RBFOX1: variants seen among roughly 807,000 people sequenced by gnomAD.
The protein encoded by RBFOX1 is RNA binding protein fox-1 homolog 1.
RBFOX1 carries 8 observed loss-of-function variants against 57.7 expected under a neutral mutation model. The ratio of observed to expected loss-of-function variants is 0.14; its 90% CI spans 0.08 to 0.25. The LOEUF (loss-of-function observed/expected upper bound fraction) is 0.25, where lower values mean the gene tolerates loss of function less well. Ranked by LOEUF, RBFOX1 falls within the 10% of genes least tolerant of loss-of-function variation. RBFOX1 has a pLI of 1.00. For synonymous variants in RBFOX1, 326 were observed against 222.4 expected, an observed-to-expected ratio of 1.47 and a Z score of -4.15; for missense variants, 611 against 548.5, an observed-to-expected ratio of 1.11 and a Z score of -1.14.
chr16:7,298,725 G>C (rs962576191), intron 4 of RBFOX1, among the ~76,000 whole-genome samples: 3 of 152,136 alleles, frequency 2.0e-5, no homozygotes, highest in South Asian at 2.1e-4. Flanking sequence ...AACTAAGCTA[G>C]GGTAAAGAAA....
intron 4 of RBFOX1, among the ~76,000 whole-genome samples, chr16:7,253,225 G>A (rs998151187): frequency 1.3e-5 from 2 of 152,134 alleles, no homozygotes; most frequent in East Asian, 3.9e-4. Context: ...GGTTCATAGT[G>A]GCTTCACCAT....
At chr16:5,812,294 G>A (rs528841680) in intron 3 of RBFOX1, among the ~76,000 whole-genome samples, 1 of 152,248 alleles carries the variant, frequency 6.6e-6, no homozygotes, top group East Asian at 1.9e-4. Flanking sequence ...TTTCTCTTGA[G>A]TAGCTAGAAG....
chr16:5,903,561 C>A (rs1420280357), intron 4 of RBFOX1, among the ~76,000 whole-genome samples: 3 of 152,128 alleles, frequency 2.0e-5, no homozygotes, highest in African/African-American at 7.2e-5. Flanking sequence ...CAGGCAGGGG[C>A]CAGCCAGACA....
intron 1 of RBFOX1, among the ~76,000 whole-genome samples, chr16:6,060,520 T>C (rs1293364744): frequency 6.6e-6 from 1 of 152,054 alleles, no homozygotes; most frequent in Admixed American, 6.6e-5. Context: ...TTTCACAGAG[T>C]GTATTTTCAG....
At chr16:5,636,668 A>T (rs2048695393) in intron 3 of RBFOX1, among the ~76,000 whole-genome samples, 1 of 152,116 alleles carries the variant, frequency 6.6e-6, no homozygotes, top group Non-Finnish European at 1.5e-5. Context: ...AATCTAGCAA[A>T]ATTCTTGGTA....
chr16:6,619,301 T>C (rs781349104), intron 2 of RBFOX1, among the ~76,000 whole-genome samples: 3 of 152,200 alleles, frequency 2.0e-5, no homozygotes, highest in Non-Finnish European at 2.9e-5. Flanking sequence ...GGTGGCCTTA[T>C]AACTCTCGTT....
chr16:7,673,870 C>G lies in RBFOX1; in HGVS notation c.931-2904C>G, dbSNP rs777517189. On this transcript the variant is annotated intron_variant, in intron 13 of 15. Coordinates refer to ENST00000550418, the MANE Select transcript of RBFOX1 (RefSeq NM_018723.4). ...GTGGGAAAAATTTAATTGTCAATGA[C>G]ACATTTTTGTCAAATGATCTCGGAA... Among the ~76,000 whole-genome samples, 3 of 152,222 alleles carry G rather than the reference C, an allele frequency of 2.0e-5. No homozygotes were observed. The East Asian group carries it at 5.8e-4, about 29-fold the overall frequency.
At chr16:5,519,497 G>A (rs927545966) in intron 2 of RBFOX1, among the ~76,000 whole-genome samples, 1 of 152,212 alleles carries the variant, frequency 6.6e-6, no homozygotes, top group Admixed American at 6.5e-5. Context: ...GCTGAGATGG[G>A]AGGATCACTT....
At chr16:6,664,473 G>T (rs2098719780) in intron 3 of RBFOX1, among the ~76,000 whole-genome samples, 1 of 152,154 alleles carries the variant, frequency 6.6e-6, no homozygotes, top group Non-Finnish European at 1.5e-5. Flanking sequence ...CAGCTCCTTT[G>T]CTCAGTAAGA....
intron 6 of RBFOX1, 41 bp downstream of exon 6, chr16:7,579,961 G>T (rs546207942): frequency 3.7e-6 from 6 of 1,601,362 alleles, no homozygotes; most frequent in Non-Finnish European, 5.1e-6. Flanking sequence ...CGCTCTGGGG[G>T]TTCCAGAGAC....
chr16:5,532,511 G>A (rs950436830), intron 2 of RBFOX1, among the ~76,000 whole-genome samples: 4 of 152,190 alleles, frequency 2.6e-5, no homozygotes, highest in Non-Finnish European at 4.4e-5. Context: ...AAGGGGCTGG[G>A]CTTTAGAGAA....
At chr16:5,470,964 G>C (rs774652979) in intron 2 of RBFOX1, among the ~76,000 whole-genome samples, 1 of 152,130 alleles carries the variant, frequency 6.6e-6, no homozygotes, top group Non-Finnish European at 1.5e-5. Flanking sequence ...CGATTCTACT[G>C]CCTCAGCCTC....
At chr16:5,663,055 C>T (rs2049710124) in intron 3 of RBFOX1, among the ~76,000 whole-genome samples, 1 of 152,078 alleles carries the variant, frequency 6.6e-6, no homozygotes, top group South Asian at 2.1e-4. Context: ...TTGATTGTCA[C>T]ATCTGGGGCA....
intron 1 of RBFOX1, among the ~76,000 whole-genome samples, chr16:6,122,064 T>C (rs922634977): frequency 3.9e-5 from 6 of 152,112 alleles, no homozygotes; most frequent in African/African-American, 1.4e-4. Context: ...CACCACCATG[T>C]CCAGCTAATT....
intron 3 of RBFOX1, among the ~76,000 whole-genome samples, chr16:6,901,612 G>C (rs1260630654): frequency 6.6e-6 from 1 of 152,150 alleles, no homozygotes; most frequent in Non-Finnish European, 1.5e-5. Flanking sequence ...GGGAAAAATA[G>C]ACATTTTTGC....
At chr16:5,949,771 C>G (rs1357683615) in intron 4 of RBFOX1, among the ~76,000 whole-genome samples, 6 of 152,134 alleles carry the variant, frequency 3.9e-5, no homozygotes, top group Admixed American at 6.5e-5. Flanking sequence ...ATTCATCACC[C>G]CGAATATTCT....
chr16:7,655,831 C>A (rs1307024454), intron 12 of RBFOX1, among the ~76,000 whole-genome samples: 1 of 152,140 alleles, frequency 6.6e-6, no homozygotes, highest in South Asian at 2.1e-4. Flanking sequence ...TATGGTTTAT[C>A]CTCACATGAC....
chr16:5,939,315 T>C (rs1262599078), intron 4 of RBFOX1, among the ~76,000 whole-genome samples: 1 of 152,226 alleles, frequency 6.6e-6, no homozygotes, highest in African/African-American at 2.4e-5. Flanking sequence ...CGGATAGTTA[T>C]TATATGACAG....
chr16:5,885,980 C>G (rs767318124), intron 4 of RBFOX1, among the ~76,000 whole-genome samples: 3 of 152,164 alleles, frequency 2.0e-5, no homozygotes, highest in Non-Finnish European at 2.9e-5. Context: ...TTGCCACTCT[C>G]ATGATAGTGA....
Sources: allele counts gnomAD v4.1 joint callset (sites outside exome capture counted in the v4.1 genomes callset), GRCh38; gene constraint gnomAD v4.1.1; transcripts MANE v1.5; gene names NCBI Gene and HGNC (gene_info 2026-07-23, HGNC 2026-07-21).